Variants in HAAO observed in about 807,000 individuals in gnomAD.
HAAO encodes 3-hydroxyanthranilate 3,4-dioxygenase.
In HAAO, 49 loss-of-function variants were observed where a neutral mutation model predicts 46.2. The ratio of observed to expected loss-of-function variants is 1.06; its 90% CI spans 0.84 to 1.34. The LOEUF is 1.34. HAAO is among the 40% of genes most tolerant of loss of function. The probability of loss-of-function intolerance (pLI) is 0.00; values close to 1 mark genes in which losing one functional copy is unlikely to be tolerated. For missense variants in HAAO, 408 were observed against 364.5 expected, an observed-to-expected ratio of 1.12 and a Z score of -0.97; for synonymous variants, 157 against 145.2, an observed-to-expected ratio of 1.08 and a Z score of -0.58.
At chr2:42,775,269 AGG>A (rs1352689566) in intron 4 of HAAO, among the ~76,000 whole-genome samples, 1 of 148,930 alleles carries the variant, frequency 6.7e-6, no homozygotes, top group Non-Finnish European at 1.5e-5. Context: ...AAAAAAAAAA[AGG>A]TTGTCTGGTG....
chr2:42,770,196 CGAACAGGGAG>C lies in HAAO; in HGVS notation c.441-20_441-11del, dbSNP rs764685666. On this transcript the variant is annotated splice_polypyrimidine_tract_variant and intron_variant, in intron 5 of 9. Transcript: ENST00000294973. ...CTCAGAGCTGAAGAACCTGCAAGGA[CGAACAGGGAG>C]GAGCAGGAGTGGCGAGCACTCCCAT... 1 of 1,594,462 alleles carries C rather than the reference CGAACAGGGAG, an allele frequency of 6.3e-7. No individual in the cohort carries two copies. Among genetic ancestry groups the C allele is most frequent in the South Asian group, 1.1e-5 (1 of 88,418 alleles).
chr2:42,783,724 A>G (rs960812846), intron 3 of HAAO, 60 bp downstream of exon 3: 2 of 1,417,352 alleles, frequency 1.4e-6, no homozygotes, highest in African/African-American at 1.4e-5. Flanking sequence ...ATGAGTGGAC[A>G]GGGCGGATTC....
rs954546884 is a variant in HAAO at position 42,770,709 on chromosome 2, C to T, written c.351-127G>A. ...CTGCTGTCTGCTCACCCCTGTTACA[C>T]ACCCTAGTGGTCACTGGTCACTTAA... On this transcript the variant is annotated intron_variant, in intron 4 of 9. Coordinates refer to ENST00000294973, the MANE Select transcript of HAAO (RefSeq NM_012205.3). 4.5e-5 allele frequency: 27 copies of T among 601,890 alleles called. No homozygotes were observed. The South Asian group carries it at 5.7e-4, about 13-fold the overall frequency. 37.3% of individuals were successfully genotyped at this position (601,890 alleles called of 1,614,324 possible).
intron 2 of HAAO, among the ~76,000 whole-genome samples, chr2:42,788,219 C>G (rs1370571694): frequency 6.6e-6 from 1 of 152,204 alleles, no homozygotes; most frequent in African/African-American, 2.4e-5. Context: ...GGACGTCCCC[C>G]TTCACATGGC....
intron 4 of HAAO, among the ~76,000 whole-genome samples, chr2:42,772,341 C>T (rs1671197453): frequency 6.6e-6 from 1 of 152,006 alleles, no homozygotes; most frequent in African/African-American, 2.4e-5. Flanking sequence ...ATTAGCCAGA[C>T]ATGGTGGTGC....
At chr2:42,771,255 G>T (rs2104640722) in intron 4 of HAAO, among the ~76,000 whole-genome samples, 1 of 151,714 alleles carries the variant, frequency 6.6e-6, no homozygotes, top group African/African-American at 2.4e-5. Context: ...AAAATAGCCA[G>T]GCATAACAAA....
intron 4 of HAAO, among the ~76,000 whole-genome samples, chr2:42,773,964 A>C (rs948329229): frequency 1.3e-5 from 2 of 152,130 alleles, no homozygotes; most frequent in African/African-American, 2.4e-5. Flanking sequence ...TCCTCTGGAG[A>C]GACTAATCGG....
chr2:42,791,065 C>T (rs1018662698), intron 1 of HAAO, among the ~76,000 whole-genome samples: 5 of 152,128 alleles, frequency 3.3e-5, no homozygotes, highest in Admixed American at 6.5e-5. Context: ...GAAGTCCTAA[C>T]GCCCAGTACT....
intron 4 of HAAO, among the ~76,000 whole-genome samples, chr2:42,775,661 G>A (rs569763596): frequency 4.0e-5 from 6 of 150,716 alleles, no homozygotes; most frequent in Admixed American, 4.0e-4. Context: ...ATTTACTTCT[G>A]CTGTCTCTCC....
Position 42,767,691 on chromosome 2 carries a change from G to A in HAAO, c.700-14C>T. ...CGAGGAGCCCTCCTGGAGAAGAGGA[G>A]CAGGAGAATCAAATGGAGACTGTTG... On this transcript the variant is annotated splice_polypyrimidine_tract_variant and intron_variant, in intron 8 of 9. Coordinates refer to ENST00000294973, the MANE Select transcript of HAAO (RefSeq NM_012205.3). 3 of 1,569,392 alleles carry A rather than the reference G, an allele frequency of 1.9e-6. No individual in the cohort carries two copies. The South Asian group carries it at 3.4e-5, about 18-fold the overall frequency.
At position 42,767,445 on chromosome 2, in the gene HAAO, G is replaced by A. The variant is rs539904998; in HGVS notation, c.853C>T (p.Leu285=). ...AGGCCATGGCAAGAGGGTCACCCCA[G>A]GGGCTTCTTGCAGGCAGGGTCCTGG... ...VTQDPACKKP[L]G is the part of the protein sequence containing the mutation. The change falls in exon 10 of 10, where the codon CTG becomes TTG. Residue 285 remains leucine, a synonymous_variant. Coordinates refer to ENST00000294973, the MANE Select transcript of HAAO (RefSeq NM_012205.3). 57 of 1,611,842 alleles carry A rather than the reference G, an allele frequency of 3.5e-5. No homozygotes were observed. In the South Asian group the frequency reaches 6.1e-4, roughly 17 times the overall value.
intron 2 of HAAO, among the ~76,000 whole-genome samples, chr2:42,785,239 T>C (rs1672300357): frequency 2.0e-5 from 3 of 152,178 alleles, no homozygotes. Flanking sequence ...GCTATTAGTA[T>C]TGATGATGGT....
At chr2:42,786,079 C>A (rs1320603037) in intron 2 of HAAO, among the ~76,000 whole-genome samples, 1 of 134,660 alleles carries the variant, frequency 7.4e-6, no homozygotes. Context: ...GTCTAGGGAC[C>A]TTTCACAGTG....
rs534381889 is a variant in HAAO at position 42,770,126 on chromosome 2, G to T, written c.484+17C>A. Reference sequence around the variant, plus strand: ...GGGGAGGGAGGGAAGGAGAAGGGCAGTTCCCAGCGGCCTCACCAGGGATGG... The same window carrying T: ...GGGGAGGGAGGGAAGGAGAAGGGCATTTCCCAGCGGCCTCACCAGGGATGG... On this transcript the variant is annotated intron_variant, in intron 6 of 9. Coordinates refer to ENST00000294973, the MANE Select transcript of HAAO (RefSeq NM_012205.3). The T allele has an allele frequency of 4.4e-6, 7 of 1,601,626 alleles. No homozygotes were observed. The South Asian group carries it at 5.6e-5, about 13-fold the overall frequency.
intron 4 of HAAO, among the ~76,000 whole-genome samples, chr2:42,778,731 G>A (rs1321743501): frequency 6.6e-6 from 1 of 152,182 alleles, no homozygotes; most frequent in Admixed American, 6.5e-5. Context: ...CACAGGGACA[G>A]AAATTAAAGC....
intron 1 of HAAO, among the ~76,000 whole-genome samples, chr2:42,789,484 C>T (rs977279945): frequency 2.0e-5 from 3 of 152,174 alleles, no homozygotes; most frequent in South Asian, 2.1e-4. Context: ...GCACGAGAAT[C>T]GCTTGAACCT....
At chr2:42,773,573 C>T (rs895354030) in intron 4 of HAAO, among the ~76,000 whole-genome samples, 1 of 151,264 alleles carries the variant, frequency 6.6e-6, no homozygotes, top group Admixed American at 6.6e-5. Context: ...TTAGGGCAAA[C>T]CTACCCCCTA....
intron 4 of HAAO, among the ~76,000 whole-genome samples, chr2:42,775,241 T>C (rs1671454368): frequency 9.1e-6 from 1 of 110,028 alleles, no homozygotes; most frequent in Non-Finnish European, 1.7e-5. Context: ...AGTAAGACTG[T>C]CATGGAAAAA....
intron 1 of HAAO, among the ~76,000 whole-genome samples, chr2:42,790,348 G>C (rs1406126336): frequency 2.0e-5 from 3 of 151,876 alleles, no homozygotes; most frequent in South Asian, 2.1e-4. Context: ...CTTCAAGGAG[G>C]GGAGGGAAGC....
Sources: gnomAD v4.1 joint callset for allele counts (sites outside exome capture counted in the v4.1 genomes callset) on GRCh38, gnomAD v4.1.1 for gene constraint, MANE v1.5 for transcripts, NCBI Gene and HGNC (gene_info 2026-07-23, HGNC 2026-07-21) for gene names.